Variants in COLGALT2 observed in about 807,000 individuals in gnomAD.
The protein encoded by COLGALT2 is procollagen galactosyltransferase 2.
In COLGALT2, 49 loss-of-function variants were observed where a neutral mutation model predicts 73.4. That is an observed-to-expected ratio of 0.67 (90% confidence interval 0.53 to 0.85). The LOEUF (loss-of-function observed/expected upper bound fraction) is 0.85. Among genes scored for constraint, COLGALT2 ranks in the 40% least tolerant of loss-of-function variants. The probability of loss-of-function intolerance (pLI) is 0.00; values close to 1 mark genes in which losing one functional copy is unlikely to be tolerated. For missense variants in COLGALT2, 722 were observed against 790.2 expected, an observed-to-expected ratio of 0.91 and a Z score of 1.03; for synonymous variants, 295 against 307.6, an observed-to-expected ratio of 0.96 and a Z score of 0.43.
chr1:184,023,481 G>T (rs1303495765), intron 1 of COLGALT2, among the ~76,000 whole-genome samples: 3 of 152,160 alleles, frequency 2.0e-5, no homozygotes, highest in Admixed American at 6.5e-5. Context: ...CAACTGGCAG[G>T]TTCTTCTAAC....
rs1670381865 is a variant in COLGALT2, at chr1:183,951,028, A to G, written c.1115T>C (p.Ile372Thr). ...TCACTTTCCATCCACAGCCTCGACA[A>G]TCTTGACCTCAATCTCCTGTTCATA... ...TLYEQEIEVK[I>T]VEAVDGKALN... The change falls in exon 8 of 12, where the codon ATT (isoleucine) becomes ACT (threonine). Residue 372 changes from isoleucine to threonine, a missense_variant. Transcript: ENST00000361927. 8 of 1,613,460 alleles carry G rather than the reference A, an allele frequency of 5.0e-6. No individual in the cohort carries two copies. Among genetic ancestry groups the G allele is most frequent in the Middle Eastern group, 1.6e-4 (1 of 6,082 alleles).
intron 1 of COLGALT2, among the ~76,000 whole-genome samples, chr1:183,994,698 G>A (rs932284826): frequency 5.9e-5 from 9 of 151,596 alleles, no homozygotes; most frequent in Admixed American, 2.0e-4. Flanking sequence ...CAGGTAATCC[G>A]CCCGCCTTGG....
chr1:183,938,266 T>G lies in COLGALT2; in HGVS notation c.*495A>C. The G allele has an allele frequency of 3.1e-6, 3 of 982,052 alleles. No individual in the cohort carries two copies. Among genetic ancestry groups the G allele is most frequent in the Non-Finnish European group, 3.6e-6 (3 of 828,898 alleles). The allele number at this position is 982,052 out of a possible 1,614,324, so 60.8% of individuals were successfully genotyped here. A position where few individuals can be genotyped will look rare whatever the true frequency, so the allele number is the denominator to read the frequency against. On this transcript the variant is annotated 3_prime_UTR_variant, in exon 12 of 12. Coordinates refer to ENST00000361927, the MANE Select transcript of COLGALT2 (RefSeq NM_015101.4). ...AGAATCCTTTAAATAAAAAGCCAAA[T>G]AAATATGATTTTAAGTGATTCCTGT...
chr1:184,025,895 G>A (rs976136273), intron 1 of COLGALT2, among the ~76,000 whole-genome samples: 1 of 152,210 alleles, frequency 6.6e-6, no homozygotes, highest in Non-Finnish European at 1.5e-5. Flanking sequence ...TCCCCATGAA[G>A]AGGAAAGTGT....
intron 11 of COLGALT2, among the ~76,000 whole-genome samples, chr1:183,939,788 A>T (rs531093501): frequency 6.6e-6 from 1 of 152,332 alleles, no homozygotes; most frequent in South Asian, 2.1e-4. Flanking sequence ...AACTGAGAGA[A>T]GGGGCCAAGG....
At chr1:183,975,922 A>C (rs1485388241) in intron 2 of COLGALT2, among the ~76,000 whole-genome samples, 1 of 152,232 alleles carries the variant, frequency 6.6e-6, no homozygotes, top group African/African-American at 2.4e-5. Context: ...TCATAGCTGC[A>C]CTGGCAGTAC....
At position 183,937,791 on chromosome 1, in the gene COLGALT2, T is replaced by C. The variant is rs3748552; in HGVS notation, c.*970A>G. ...ATAATTCAAAATATAATGAAAAAAC[T>C]CTGGCAAGGATAGTTGCTGGCCTGA... On this transcript the variant is annotated 3_prime_UTR_variant, in exon 12 of 12. Coordinates refer to ENST00000361927, the MANE Select transcript of COLGALT2 (RefSeq NM_015101.4). 0.57 allele frequency: 565,512 copies of C among 985,052 alleles called. 162,595 individuals are homozygous for C. The highest frequency in any genetic ancestry group is 0.59 in the African/African-American group (33,536 of 57,232). 61.0% of individuals were successfully genotyped at this position (985,052 alleles called of 1,614,324 possible).
chr1:183,982,803 T>TAAAAAAAAAAAAA (rs966614993), intron 1 of COLGALT2, among the ~76,000 whole-genome samples: 1 of 151,852 alleles, frequency 6.6e-6, no homozygotes, highest in Non-Finnish European at 1.5e-5. Context: ...CCCCATCTCT[T>TAAAAAAAAAAAAA]AAAAAAAATA....
intron 10 of COLGALT2, among the ~76,000 whole-genome samples, chr1:183,941,812 G>A (rs144467839): frequency 6.6e-6 from 1 of 152,318 alleles, no homozygotes; most frequent in Non-Finnish European, 1.5e-5. Context: ...CTCTTATCGA[G>A]CACTTGAGAG....
chr1:184,028,882 T>C (rs1191236881), intron 1 of COLGALT2, among the ~76,000 whole-genome samples: 1 of 152,212 alleles, frequency 6.6e-6, no homozygotes, highest in East Asian at 1.9e-4. Context: ...ATCTTATCAG[T>C]TAAACCAACA....
chr1:183,973,697 A>G lies in COLGALT2; in HGVS notation c.546T>C (p.Ile182=). The change falls in exon 4 of 12, where the codon ATT becomes ATC. Residue 182 remains isoleucine, a synonymous_variant. Coordinates refer to ENST00000361927, the MANE Select transcript of COLGALT2 (RefSeq NM_015101.4). Reference sequence around the variant, plus strand: ...GGGCCACAATAGTTTTGTTTTCTGCAATCAGTAGATTGAGGGTCTGTGGAT... The same window carrying G: ...GGGCCACAATAGTTTTGTTTTCTGCGATCAGTAGATTGAGGGTCTGTGGAT... The part of the protein sequence containing the change: ...LTNPQTLNLL[I]AENKTIVAPM... The G allele has an allele frequency of 6.2e-7, 1 of 1,614,044 alleles. No homozygotes were observed. Among genetic ancestry groups the G allele is most frequent in the South Asian group, 1.1e-5 (1 of 91,036 alleles).
intron 5 of COLGALT2, among the ~76,000 whole-genome samples, chr1:183,968,109 G>A (rs544876681): frequency 7.9e-5 from 12 of 152,248 alleles, no homozygotes; most frequent in East Asian, 1.9e-4. Context: ...CTCAGCTGCC[G>A]GAGGATCTTT....
chr1:184,029,292 G>T (rs1572687983), intron 1 of COLGALT2, among the ~76,000 whole-genome samples: 1 of 152,196 alleles, frequency 6.6e-6, no homozygotes, highest in Non-Finnish European at 1.5e-5. Context: ...AGAGAGCTAA[G>T]GGAAAAGTAA....
chr1:183,984,582 C>T (rs1251902682), intron 1 of COLGALT2, among the ~76,000 whole-genome samples: 4 of 152,200 alleles, frequency 2.6e-5, no homozygotes, highest in African/African-American at 9.6e-5. Flanking sequence ...GGCCCTGAGA[C>T]AGCTTCAGTG....
chr1:183,998,874 T>C (rs1671841685), intron 1 of COLGALT2, among the ~76,000 whole-genome samples: 1 of 152,120 alleles, frequency 6.6e-6, no homozygotes, highest in African/African-American at 2.4e-5. Context: ...TCAGTTGGTA[T>C]CTAACAGAAA....
chr1:183,999,459 T>C (rs969962217), intron 1 of COLGALT2, among the ~76,000 whole-genome samples: 1 of 152,152 alleles, frequency 6.6e-6, no homozygotes, highest in Non-Finnish European at 1.5e-5. Context: ...TATTACGTTA[T>C]GTTAACCTCA....
chr1:184,013,219 G>T (rs370765989), intron 1 of COLGALT2, among the ~76,000 whole-genome samples: 1 of 152,192 alleles, frequency 6.6e-6, no homozygotes, highest in Non-Finnish European at 1.5e-5. Flanking sequence ...GGAGGCTGAC[G>T]CAGGAGAATT....
At chr1:184,024,706 T>C (rs899995288) in intron 1 of COLGALT2, among the ~76,000 whole-genome samples, 8 of 150,198 alleles carry the variant, frequency 5.3e-5, no homozygotes, top group African/African-American at 2.0e-4. Context: ...CTCCGTTCTC[T>C]AAACATACAA....
chr1:183,945,639 T>G, intron 8 of COLGALT2, 75 bp from the exon 9 acceptor site: 48 of 1,489,890 alleles, frequency 3.2e-5, no homozygotes, highest in Non-Finnish European at 3.8e-5. Context: ...AAGAGAGAGT[T>G]AGTTCTGCAA....
Sources: allele counts gnomAD v4.1 joint callset (sites outside exome capture counted in the v4.1 genomes callset), GRCh38; gene constraint gnomAD v4.1.1; transcripts MANE v1.5; gene names NCBI Gene and HGNC (gene_info 2026-07-23, HGNC 2026-07-21).